Variants in NSG2 observed in about 807,000 individuals in gnomAD.
NSG2 encodes the protein neuronal vesicle trafficking associated 2, also known as neuronal vesicle trafficking-associated protein 2.
NSG2 carries 4 observed loss-of-function variants against 16.9 expected under a neutral mutation model. That is an observed-to-expected ratio of 0.24 (90% confidence interval 0.12 to 0.54). The LOEUF is 0.54. Among genes scored for constraint, NSG2 ranks in the 20% least tolerant of loss-of-function variants. The pLI, the probability that NSG2 is intolerant of heterozygous loss-of-function variation, is 0.95. For synonymous variants in NSG2, 98 were observed against 88.7 expected, an observed-to-expected ratio of 1.11 and a Z score of -0.59; for missense variants, 179 against 221.1, an observed-to-expected ratio of 0.81 and a Z score of 1.21.
At chr5:174,059,112 A>C (rs1047833699) in intron 2 of NSG2, among the ~76,000 whole-genome samples, 1 of 152,194 alleles carries the variant, frequency 6.6e-6, no homozygotes, top group African/African-American at 2.4e-5. Flanking sequence ...TAACCCCATG[A>C]CTGCAAATGG....
chr5:174,090,131 C>T (rs180829322), intron 3 of NSG2, among the ~76,000 whole-genome samples: 1 of 152,202 alleles, frequency 6.6e-6, no homozygotes, highest in Non-Finnish European at 1.5e-5. Flanking sequence ...AGACCATCCC[C>T]AGGTTCAATA....
intron 3 of NSG2, among the ~76,000 whole-genome samples, chr5:174,079,896 C>T (rs1278756490): frequency 6.6e-6 from 1 of 152,088 alleles, no homozygotes; most frequent in African/African-American, 2.4e-5. Flanking sequence ...CATCTCCCAC[C>T]CTAAATTTAT....
At chr5:174,078,767 A>C (rs1373035560) in intron 3 of NSG2, among the ~76,000 whole-genome samples, 1 of 152,222 alleles carries the variant, frequency 6.6e-6, no homozygotes, top group African/African-American at 2.4e-5. Flanking sequence ...ATGTGAGGAC[A>C]CAGATAGAAG....
At chr5:174,082,607 C>T (rs1243233250) in intron 3 of NSG2, 1 of 152,216 alleles carries the variant, frequency 6.6e-6, no homozygotes, top group African/African-American at 2.4e-5. Flanking sequence ...CACTTCTCTT[C>T]CATGAATTTG....
chr5:174,075,152 C>T (rs1300429976), intron 3 of NSG2, among the ~76,000 whole-genome samples: 1 of 152,088 alleles, frequency 6.6e-6, no homozygotes, highest in Non-Finnish European at 1.5e-5. Context: ...GCCAGATAGC[C>T]TGTGAGTCAT....
chr5:174,067,172 GTTA>G (rs1760156205), intron 3 of NSG2, among the ~76,000 whole-genome samples: 1 of 152,144 alleles, frequency 6.6e-6, no homozygotes, highest in Admixed American at 6.5e-5. Flanking sequence ...CTATGGCTGT[GTTA>G]TTAGCAGTGA....
chr5:174,077,900 A>G (rs1240974867), intron 3 of NSG2, among the ~76,000 whole-genome samples: 1 of 152,102 alleles, frequency 6.6e-6, no homozygotes, highest in Non-Finnish European at 1.5e-5. Flanking sequence ...CAAATGCACA[A>G]CATTCTAACA....
intron 3 of NSG2, among the ~76,000 whole-genome samples, chr5:174,092,377 T>C (rs1336393304): frequency 6.6e-6 from 1 of 152,220 alleles, no homozygotes; most frequent in Non-Finnish European, 1.5e-5. Flanking sequence ...TCAAAGGTGC[T>C]TTTCTGCCCC....
chr5:174,103,002 T>G (rs1760924895), intron 3 of NSG2, among the ~76,000 whole-genome samples: 1 of 145,638 alleles, frequency 6.9e-6, no homozygotes, highest in African/African-American at 2.6e-5. Flanking sequence ...TTGGGCAGGC[T>G]GGTCACGAAC....
chr5:174,064,541 A>G, intron 3 of NSG2: 1 of 367,404 alleles, frequency 2.7e-6, no homozygotes, highest in Non-Finnish European at 4.9e-6. Flanking sequence ...ATGTTCTGAT[A>G]AATCTCATAA....
intron 2 of NSG2, among the ~76,000 whole-genome samples, chr5:174,052,756 T>C (rs900568087): frequency 5.3e-5 from 8 of 152,116 alleles, no homozygotes; most frequent in Admixed American, 4.6e-4. Context: ...GGTGGAAGGC[T>C]GTCCTAGGGT....
At chr5:174,085,418 G>A (rs1176713695) in intron 3 of NSG2, among the ~76,000 whole-genome samples, 1 of 152,160 alleles carries the variant, frequency 6.6e-6, no homozygotes, top group Admixed American at 6.5e-5. Context: ...TTCTCTTTCA[G>A]GTTCCTGCAT....
chr5:174,066,366 C>T (rs1186283334), intron 3 of NSG2: 1 of 427,424 alleles, frequency 2.3e-6, no homozygotes, highest in Non-Finnish European at 4.8e-6. Flanking sequence ...TACCTGCCTT[C>T]CTGGCAAGAG....
intron 4 of NSG2, among the ~76,000 whole-genome samples, chr5:174,105,664 A>G (rs1760968421): frequency 1.3e-5 from 2 of 152,158 alleles, no homozygotes; most frequent in African/African-American, 4.8e-5. Flanking sequence ...CTGCCTTCCT[A>G]GATTACACTC....
chr5:174,103,686 C>G (rs1760935089), intron 3 of NSG2, among the ~76,000 whole-genome samples: 1 of 152,152 alleles, frequency 6.6e-6, no homozygotes, highest in African/African-American at 2.4e-5. Context: ...GTGGCTCATG[C>G]CTGTAATCCT....
At chr5:174,054,588 A>G (rs1285025897) in intron 2 of NSG2, among the ~76,000 whole-genome samples, 1 of 152,216 alleles carries the variant, frequency 6.6e-6, no homozygotes, top group Non-Finnish European at 1.5e-5. Context: ...CTTGTTGCCC[A>G]GGCTAGTCTC....
At chr5:174,059,685 A>C (rs187992548) in intron 2 of NSG2, among the ~76,000 whole-genome samples, 1 of 152,128 alleles carries the variant, frequency 6.6e-6, no homozygotes, top group Non-Finnish European at 1.5e-5. Flanking sequence ...GCAAGGTGCA[A>C]TCCCGGGGTA....
chr5:174,058,256 G>A (rs1759995241), intron 2 of NSG2, among the ~76,000 whole-genome samples: 1 of 152,012 alleles, frequency 6.6e-6, no homozygotes, highest in South Asian at 2.1e-4. Context: ...ATATTTGGGA[G>A]TCATGAGGAT....
At chr5:174,096,814 G>T (rs971185543) in intron 3 of NSG2, among the ~76,000 whole-genome samples, 2 of 152,186 alleles carry the variant, frequency 1.3e-5, no homozygotes, top group African/African-American at 4.8e-5. Flanking sequence ...GTGGAGGCAG[G>T]GGTCGCTGCA....
Sources: gnomAD v4.1 joint callset for allele counts (sites outside exome capture counted in the v4.1 genomes callset) on GRCh38, gnomAD v4.1.1 for gene constraint, MANE v1.5 for transcripts, NCBI Gene and HGNC (gene_info 2026-07-23, HGNC 2026-07-21) for gene names.